The following AUTS2 variants were observed in gnomAD, a reference collection of about 807,000 sequenced individuals.
The protein encoded by AUTS2 is autism susceptibility gene 2 protein.
In AUTS2, 17 loss-of-function variants were observed where a neutral mutation model predicts 112.4. The ratio of observed to expected loss-of-function variants is 0.15; its 90% CI spans 0.10 to 0.23. The LOEUF (loss-of-function observed/expected upper bound fraction) is 0.23, where lower values mean the gene tolerates loss of function less well. Among genes scored for constraint, AUTS2 ranks in the 10% least tolerant of loss-of-function variants. The probability of loss-of-function intolerance (pLI) is 1.00; values close to 1 mark genes in which losing one functional copy is unlikely to be tolerated. For synonymous variants in AUTS2, 751 were observed against 702.7 expected (o/e 1.07, Z -1.09); for missense variants, 1,510 against 1,701.6 (o/e 0.89, Z 1.98).
At chr7:70,416,772 C>T (rs1795004318) in intron 4 of AUTS2, among the ~76,000 whole-genome samples, 1 of 152,226 alleles carries the variant, frequency 6.6e-6, no homozygotes, top group African/African-American at 2.4e-5. Context: ...CTTATGTCAG[C>T]AGGCCCTGTC....
intron 4 of AUTS2, among the ~76,000 whole-genome samples, chr7:70,402,880 G>A (rs372366407): frequency 2.8e-4 from 43 of 152,244 alleles, no homozygotes; most frequent in East Asian, 9.7e-4. Context: ...TTCCCCAGTC[G>A]TCTGAACACT....
intron 1 of AUTS2, among the ~76,000 whole-genome samples, chr7:69,757,219 G>C (rs922861697): frequency 3.9e-5 from 6 of 152,264 alleles, no homozygotes; most frequent in Middle Eastern, 3.4e-3. Context: ...TAATGTCTCT[G>C]CTTTCATGAA....
chr7:70,512,306 T>C (rs1460675305), intron 5 of AUTS2, among the ~76,000 whole-genome samples: 1 of 152,222 alleles, frequency 6.6e-6, no homozygotes, highest in African/African-American at 2.4e-5. Flanking sequence ...CTAAGCCTGC[T>C]GAGTCTAAGA....
intron 1 of AUTS2, among the ~76,000 whole-genome samples, chr7:69,612,260 C>T (rs1008292739): frequency 6.6e-6 from 1 of 152,002 alleles, no homozygotes; most frequent in East Asian, 1.9e-4. Context: ...TCTTGGGGCC[C>T]ACCTGAAGGA....
chr7:70,533,819 T>G (rs959234971), intron 5 of AUTS2, among the ~76,000 whole-genome samples: 19 of 152,182 alleles, frequency 1.2e-4, no homozygotes, highest in Admixed American at 1.2e-3. Context: ...GGCTGCTGTG[T>G]CCTCCTAGAC....
intron 1 of AUTS2, among the ~76,000 whole-genome samples, chr7:69,830,856 T>G (rs912560175): frequency 6.6e-6 from 1 of 152,232 alleles, no homozygotes; most frequent in Admixed American, 6.5e-5. Context: ...AAAGTCATTT[T>G]TCATTGTTGA....
intron 1 of AUTS2, among the ~76,000 whole-genome samples, chr7:69,873,385 T>C (rs1038375588): frequency 6.6e-6 from 1 of 151,378 alleles, no homozygotes; most frequent in African/African-American, 2.4e-5. Flanking sequence ...CCTGTAGAGA[T>C]TTGAATTTAG....
chr7:70,567,442 T>C (rs1801752785), intron 5 of AUTS2, among the ~76,000 whole-genome samples: 1 of 152,206 alleles, frequency 6.6e-6, no homozygotes, highest in Admixed American at 6.5e-5. Context: ...ACTCTCTGGC[T>C]CTTTGTCCTT....
At chr7:70,600,261 G>A (rs1341794563) in intron 5 of AUTS2, among the ~76,000 whole-genome samples, 1 of 151,960 alleles carries the variant, frequency 6.6e-6, no homozygotes, top group African/African-American at 2.4e-5. Context: ...GGGTTTTTAG[G>A]TTTTTTGTTT....
intron 5 of AUTS2, among the ~76,000 whole-genome samples, chr7:70,513,640 A>G (rs558543160): frequency 5.9e-5 from 9 of 151,492 alleles, no homozygotes; most frequent in Admixed American, 2.6e-4. Flanking sequence ...CACTTTTGCC[A>G]TAGAAATCAT....
At chr7:70,464,706 G>C (rs2115686570) in intron 5 of AUTS2, among the ~76,000 whole-genome samples, 1 of 152,336 alleles carries the variant, frequency 6.6e-6, no homozygotes, top group African/African-American at 2.4e-5. Flanking sequence ...AGTTGGAATG[G>C]TAATCAGCAC....
At chr7:70,770,557 G>A (rs996169431) in intron 10 of AUTS2, among the ~76,000 whole-genome samples, 2 of 152,188 alleles carry the variant, frequency 1.3e-5, no homozygotes, top group Non-Finnish European at 1.5e-5. Flanking sequence ...TTAGAAGGAG[G>A]GAAAGTTGTG....
intron 2 of AUTS2, among the ~76,000 whole-genome samples, chr7:70,063,853 C>T (rs571169414): frequency 5.3e-5 from 8 of 152,162 alleles, no homozygotes; most frequent in Non-Finnish European, 8.8e-5. Flanking sequence ...TTACCCTACT[C>T]GGGGTAATCA....
rs755666320 is a variant in AUTS2, at chr7:70,790,720, C to T, written c.3504C>T (p.His1168=). ...AAGACTACGAGCACACGCGGCTCCA[C>T]TCCGTGCACCCCGCCTCCCTCGACG... ...LREDYEHTRL[H]SVHPASLDGH... The change falls in exon 19 of 19, where the codon CAC becomes CAT. Residue 1168 remains histidine (H), a synonymous_variant. Coordinates refer to ENST00000342771, the MANE Select transcript of AUTS2 (RefSeq NM_015570.4). The surrounding 1 kb of genome is among the most constrained non-coding windows in gnomAD (Gnocchi z 7.6). The T allele has an allele frequency of 1.4e-5, 22 of 1,613,542 alleles. No individual in the cohort carries two copies. The highest frequency in any genetic ancestry group is 1.6e-5 in the Non-Finnish European group (19 of 1,179,998).
At chr7:70,307,460 G>C (rs1328286336) in intron 4 of AUTS2, among the ~76,000 whole-genome samples, 1 of 152,266 alleles carries the variant, frequency 6.6e-6, no homozygotes, top group East Asian at 1.9e-4. Flanking sequence ...GAAGATTTTT[G>C]TCTCTACTGA....
At chr7:70,367,400 C>G (rs971631447) in intron 4 of AUTS2, among the ~76,000 whole-genome samples, 2 of 151,864 alleles carry the variant, frequency 1.3e-5, no homozygotes, top group Admixed American at 6.6e-5. Context: ...ACTAAAAATA[C>G]AAAAAATTAG....
At position 70,411,217 on chromosome 7, in the gene AUTS2, A is replaced by T. The variant is rs555340097; in HGVS notation, c.661-24535A>T. Among the ~76,000 whole-genome samples, 4 of 152,196 alleles carry T rather than the reference A, an allele frequency of 2.6e-5. No homozygotes were observed. In the East Asian group the frequency reaches 5.8e-4, roughly 22 times the overall value. On this transcript the variant is annotated intron_variant, in intron 4 of 18. Transcript: ENST00000342771. ...ATCACTGCCCTGAAAAAAAAATGGGATTCTCCTTAAAAAGGAAGAAGGGAG... is the reference window on the plus strand; with the variant it reads ...ATCACTGCCCTGAAAAAAAAATGGGTTTCTCCTTAAAAAGGAAGAAGGGAG...
chr7:69,894,258 T>G (rs1004705716), intron 1 of AUTS2, among the ~76,000 whole-genome samples: 3 of 132,108 alleles, frequency 2.3e-5, no homozygotes, highest in Non-Finnish European at 1.6e-5. Context: ...AAGCGTTTTT[T>G]TTTTTTTTTT....
intron 1 of AUTS2, among the ~76,000 whole-genome samples, chr7:69,896,034 GC>G (rs1458205700): frequency 6.6e-6 from 1 of 152,192 alleles, no homozygotes; most frequent in Non-Finnish European, 1.5e-5. Flanking sequence ...TTATATAGAA[GC>G]AGCCCATGAT....
Sources: gnomAD v4.1 joint callset for allele counts (sites outside exome capture counted in the v4.1 genomes callset) on GRCh38, gnomAD v4.1.1 for gene constraint, Gnocchi (gnomAD v3.1) non-coding constraint, MANE v1.5 for transcripts, NCBI Gene and HGNC (gene_info 2026-07-23, HGNC 2026-07-21) for gene names.